Variants in FBXO17 observed in about 807,000 individuals in gnomAD.
The protein encoded by FBXO17 is F-box only protein 17.
A neutral mutation model predicts 34.1 loss-of-function variants in FBXO17; 43 were observed. That is an observed-to-expected ratio of 1.26 (90% confidence interval 0.99 to 1.62). FBXO17 has a LOEUF of 1.62. FBXO17 is among the 40% of genes most tolerant of loss of function. FBXO17 has a pLI of 0.00. For synonymous variants in FBXO17, 169 were observed against 166.0 expected, an observed-to-expected ratio of 1.02 and a Z score of -0.14; for missense variants, 424 against 386.7, an observed-to-expected ratio of 1.10 and a Z score of -0.81.
chr19:38,958,832 A>G (rs1975205925), intron 1 of FBXO17, among the ~76,000 whole-genome samples: 1 of 152,170 alleles, frequency 6.6e-6, no homozygotes, highest in Non-Finnish European at 1.5e-5. Flanking sequence ...GGGCACGTGC[A>G]GGCTTTTGCA....
At chr19:38,954,579 T>G (rs1223392346) in intron 1 of FBXO17, among the ~76,000 whole-genome samples, 2 of 121,906 alleles carry the variant, frequency 1.6e-5, no homozygotes, top group Non-Finnish European at 3.4e-5. Context: ...CGAGAATGTG[T>G]TTTTTTTTTT....
Position 38,948,557 on chromosome 19 carries a change from G to C in FBXO17, c.461+10C>G, listed in dbSNP as rs768944306. 1 of 1,611,090 alleles carries C rather than the reference G, an allele frequency of 6.2e-7. No homozygotes were observed. The highest frequency in any genetic ancestry group is 8.5e-7 in the Non-Finnish European group (1 of 1,177,902). On this transcript the variant is annotated intron_variant, in intron 3 of 5. Coordinates refer to ENST00000292852, the MANE Select transcript of FBXO17 (RefSeq NM_024907.7). ...CCCAGGGATCGGGGCCTCTCACTTGGGCCACTCACTCGAAAGAGGTCACGA... is the reference window on the plus strand; with the variant it reads ...CCCAGGGATCGGGGCCTCTCACTTGCGCCACTCACTCGAAAGAGGTCACGA...
intron 1 of FBXO17, among the ~76,000 whole-genome samples, chr19:38,962,106 TAAAA>T (rs71167604): frequency 7.6e-5 from 7 of 92,460 alleles, no homozygotes; most frequent in South Asian, 3.7e-4. Flanking sequence ...GGGACGCTGT[TAAAA>T]AAAAAAAAAA....
intron 1 of FBXO17, among the ~76,000 whole-genome samples, chr19:38,956,058 G>C (rs1039718130): frequency 6.6e-6 from 1 of 151,988 alleles, no homozygotes; most frequent in Non-Finnish European, 1.5e-5. Context: ...CTGAGGTCGG[G>C]AGTTCAAGAC....
At chr19:38,959,403 A>C (rs1600199129) in intron 1 of FBXO17, among the ~76,000 whole-genome samples, 1 of 148,780 alleles carries the variant, frequency 6.7e-6, no homozygotes, top group African/African-American at 2.5e-5. Context: ...CTCAGCCTCC[A>C]GAGTAGCTGG....
chr19:38,965,617 C>T (rs1975309815), intron 1 of FBXO17, among the ~76,000 whole-genome samples: 1 of 152,158 alleles, frequency 6.6e-6, no homozygotes, highest in Non-Finnish European at 1.5e-5. Context: ...AGCGGTTCTC[C>T]AGCCTCAGCC....
Position 38,948,646 on chromosome 19 carries a change from C to A in FBXO17, c.382G>T (p.Gly128Trp). ...TTCTTTTCTATGGCCCAGCCGTTCC[C>A]GCCATGCTCCACCTCCCAGCCTCTG... ...GFRGWEVEHG[G>W]NGWAIEKNLT... Residue 128 changes from glycine to tryptophan, a missense_variant, in exon 3 of 6, where the codon GGG (glycine) becomes TGG (tryptophan). Transcript: ENST00000292852. 1 of 1,614,088 alleles carries A rather than the reference C, an allele frequency of 6.2e-7. No individual in the cohort carries two copies. Among genetic ancestry groups the A allele is most frequent in the South Asian group, 1.1e-5 (1 of 91,082 alleles).
intron 1 of FBXO17, among the ~76,000 whole-genome samples, chr19:38,964,640 G>A (rs1200017158): frequency 6.6e-6 from 1 of 152,000 alleles, no homozygotes; most frequent in African/African-American, 2.4e-5. Context: ...GGTTGCAAGC[G>A]CCTGTAGTCC....
rs773391263 is a variant in FBXO17, at chr19:38,969,495, C to T, written c.-18+6091G>A. On this transcript the variant is annotated intron_variant, in intron 1 of 5. Coordinates refer to ENST00000292852, the MANE Select transcript of FBXO17 (RefSeq NM_024907.7). ...GAAAATGAGCAAACACAAAACAGTG[C>T]AATGTTACTGCAATTCACTAAAAAT... Among the ~76,000 whole-genome samples, 4 of 150,068 alleles carry T rather than the reference C, an allele frequency of 2.7e-5. No homozygotes were observed. The South Asian group carries it at 8.4e-4, about 31-fold the overall frequency.
intron 1 of FBXO17, among the ~76,000 whole-genome samples, chr19:38,953,969 G>A (rs372827026): frequency 6.6e-6 from 1 of 152,060 alleles, no homozygotes; most frequent in African/African-American, 2.4e-5. Context: ...AGAGTGAAAG[G>A]GGGGGAGGAG....
intron 1 of FBXO17, among the ~76,000 whole-genome samples, chr19:38,969,280 T>A (rs1278889705): frequency 1.3e-5 from 2 of 151,216 alleles, no homozygotes; most frequent in African/African-American, 4.9e-5. Flanking sequence ...GAGACCCCCG[T>A]CTCTACAAAA....
At position 38,955,204 on chromosome 19, in the gene FBXO17, C is replaced by T. The variant is rs567270912; in HGVS notation, c.-17-4868G>A. Among the ~76,000 whole-genome samples the T allele has an allele frequency of 3.3e-3, 493 of 148,760 alleles. 1 individual carries two copies. The highest frequency in any genetic ancestry group is 5.8e-3 in the Admixed American group (87 of 14,932). ...CCTTGGCCTCCCAAAGTGCTGGGAT[C>T]ACAGGCGTGAGCCACTGCAACTGGC... On this transcript the variant is annotated intron_variant, in intron 1 of 5. Coordinates refer to ENST00000292852, the MANE Select transcript of FBXO17 (RefSeq NM_024907.7).
chr19:38,971,045 G>T (rs1364721931), intron 1 of FBXO17, among the ~76,000 whole-genome samples: 1 of 147,444 alleles, frequency 6.8e-6, no homozygotes, highest in African/African-American at 2.5e-5. Flanking sequence ...GTGGCAGTCA[G>T]CCAAGATCAC....
At chr19:38,947,503 T>C (rs539951305) in intron 3 of FBXO17, 1 of 152,120 alleles carries the variant, frequency 6.6e-6, no homozygotes, top group East Asian at 1.9e-4. Context: ...GGAGAATCAT[T>C]GGAACCCAGG....
Position 38,942,331 on chromosome 19 carries a change from G to T in FBXO17, c.*277C>A. On this transcript the variant is annotated 3_prime_UTR_variant, in exon 6 of 6. Transcript: ENST00000292852. ...CAGGCTGGAGTGGTGGTGAAATCACGGCTCACTGCAGCCTCAACCTCCTGG... is the reference window on the plus strand; with the variant it reads ...CAGGCTGGAGTGGTGGTGAAATCACTGCTCACTGCAGCCTCAACCTCCTGG... 1 of 214,230 alleles carries T rather than the reference G, an allele frequency of 4.7e-6. No homozygotes were observed. Among genetic ancestry groups the T allele is most frequent in the Non-Finnish European group, 8.8e-6 (1 of 113,088 alleles). The allele number at this position is 214,230 out of a possible 1,614,324, so 13.3% of individuals were successfully genotyped here.
In FBXO17 at chr19:38,942,585, A is replaced by G. The variant is rs1860688084; in HGVS notation, c.*23T>C. The G allele has an allele frequency of 7.2e-6, 11 of 1,523,934 alleles. No individual in the cohort carries two copies. Among genetic ancestry groups the G allele is most frequent in the South Asian group, 1.3e-5 (1 of 77,728 alleles). The allele number at this position is 1,523,934 out of a possible 1,614,324, so 94.4% of individuals were successfully genotyped here. The stretch of plus-strand genomic sequence containing the variant: ...GGCTGCAAGGCTGGTCTTGACTGAC[A>G]ACGTCAGGCAGTAGTCCAGTCGCTA... On this transcript the variant is annotated 3_prime_UTR_variant, in exon 6 of 6. Coordinates refer to ENST00000292852, the MANE Select transcript of FBXO17 (RefSeq NM_024907.7).
Position 38,948,593 on chromosome 19 carries a change from C to T in FBXO17, c.435G>A (p.Ser145=), listed in dbSNP as rs764832073. The T allele has an allele frequency of 4.3e-6, 7 of 1,613,958 alleles. No individual in the cohort carries two copies. Among genetic ancestry groups the T allele is most frequent in the African/African-American group, 1.3e-5 (1 of 74,920 alleles). The part of the protein sequence containing the change: ...KNLTPVPGAP[S]QTCFVTSFEW... ...CGAAAGAGGTCACGAAGCAGGTCTG[C>T]GAAGGAGCCCCAGGCACCGGTGTTA... is the stretch of plus-strand genomic sequence containing the variant. Residue 145 remains serine, a synonymous_variant, in exon 3 of 6, where the codon TCG becomes TCA. Transcript: ENST00000292852.
chr19:38,966,265 C>T (rs1028312742), intron 1 of FBXO17, among the ~76,000 whole-genome samples: 14 of 147,854 alleles, frequency 9.5e-5, no homozygotes, highest in Admixed American at 8.2e-4. Flanking sequence ...CCACCATGCC[C>T]GGCCAACATT....
intron 1 of FBXO17, among the ~76,000 whole-genome samples, chr19:38,960,918 T>C (rs1975240601): frequency 6.6e-6 from 1 of 151,696 alleles, no homozygotes. Flanking sequence ...GCAATTCTCC[T>C]GCCTCAGCCT....
Sources: allele counts gnomAD v4.1 joint callset (sites outside exome capture counted in the v4.1 genomes callset), GRCh38; gene constraint gnomAD v4.1.1; transcripts MANE v1.5; gene names NCBI Gene and HGNC (gene_info 2026-07-23, HGNC 2026-07-21).